FPR3: variants seen among roughly 807,000 people sequenced by gnomAD.
FPR3 encodes the protein N-formyl peptide receptor 3.
For missense variants in FPR3, 346 were observed against 443.2 expected (o/e 0.78, Z 1.97); for synonymous variants, 135 against 163.6 (o/e 0.83, Z 1.34).
At chr19:51,795,616 C>A (rs374599741) in intron 1 of FPR3, among the ~76,000 whole-genome samples, 1 of 143,398 alleles carries the variant, frequency 7.0e-6, no homozygotes, top group African/African-American at 2.6e-5. Flanking sequence ...CAGGTTCAAG[C>A]GATTCTCCTG....
At chr19:51,805,603 G>C (rs1257655407) in intron 1 of FPR3, among the ~76,000 whole-genome samples, 2 of 152,150 alleles carry the variant, frequency 1.3e-5, no homozygotes, top group African/African-American at 4.8e-5. Context: ...CTTTATACTT[G>C]TTCCCCTAAC....
rs7253924 is a variant in FPR3 at position 51,824,960 on chromosome 19, C to A, written c.*150C>A. 273,082 of 660,298 alleles carry A rather than the reference C, an allele frequency of 0.41. 57,418 individuals carry two copies. Among genetic ancestry groups the A allele is most frequent in the South Asian group, 0.53 (25,695 of 48,764 alleles). The allele number at this position is 660,298 out of a possible 1,614,324, so 40.9% of individuals were successfully genotyped here. On this transcript the variant is annotated 3_prime_UTR_variant, in exon 2 of 2. Coordinates refer to ENST00000339223, the MANE Select transcript of FPR3 (RefSeq NM_002030.5). The surrounding 1 kb of genome is among the most constrained non-coding windows in gnomAD (Gnocchi z 4.7). ...TGTACCAAATCTGTAGGGGGTTTTT[C>A]CCACAACCAAGCAATAGACACCAGC...
chr19:51,808,203 G>T (rs185399030), intron 1 of FPR3, among the ~76,000 whole-genome samples: 1 of 152,258 alleles, frequency 6.6e-6, no homozygotes, highest in Non-Finnish European at 1.5e-5. Context: ...ACCTAACATC[G>T]GTCATGGCCA....
At chr19:51,809,540 G>A (rs531848511) in intron 1 of FPR3, among the ~76,000 whole-genome samples, 21 of 152,142 alleles carry the variant, frequency 1.4e-4, no homozygotes, top group Non-Finnish European at 2.9e-4. Context: ...GTGATTTGCA[G>A]GGAATAAGCA....
At chr19:51,810,400 T>C (rs2084088135) in intron 1 of FPR3, among the ~76,000 whole-genome samples, 1 of 152,088 alleles carries the variant, frequency 6.6e-6, no homozygotes, top group Non-Finnish European at 1.5e-5. Context: ...TTGTAAGAAA[T>C]TGCACATAGG....
At chr19:51,802,901 T>A (rs1387653768) in intron 1 of FPR3, among the ~76,000 whole-genome samples, 1 of 152,210 alleles carries the variant, frequency 6.6e-6, no homozygotes, top group Non-Finnish European at 1.5e-5. Context: ...TACAACTGTA[T>A]ACAAACTTCA....
chr19:51,807,801 G>A (rs1318626263), intron 1 of FPR3, among the ~76,000 whole-genome samples: 1 of 152,224 alleles, frequency 6.6e-6, no homozygotes, highest in Non-Finnish European at 1.5e-5. Flanking sequence ...CCAAGCTGCA[G>A]CTTGTTGCTG....
At chr19:51,795,790 G>A (rs2083995196) in intron 1 of FPR3, among the ~76,000 whole-genome samples, 1 of 152,020 alleles carries the variant, frequency 6.6e-6, no homozygotes, top group Non-Finnish European at 1.5e-5. Context: ...TGGGATTACA[G>A]GCGTGAGCCA....
chr19:51,824,856 G>A lies in FPR3; in HGVS notation c.*46G>A. 1 of 1,450,244 alleles carries A rather than the reference G, an allele frequency of 6.9e-7. No homozygotes were observed. The highest frequency in any genetic ancestry group is 1.3e-5 in the South Asian group (1 of 75,234). The allele number at this position is 1,450,244 out of a possible 1,614,324, so 89.8% of individuals were successfully genotyped here. ...TCTGTCTCTTTCTACCCTGCGTTAA[G>A]CGGAAAAAAAAAATTCTGACAGTGT... On this transcript the variant is annotated 3_prime_UTR_variant, in exon 2 of 2. Transcript: ENST00000339223. The surrounding 1 kb of genome is among the most constrained non-coding windows in gnomAD (Gnocchi z 4.7).
intron 1 of FPR3, among the ~76,000 whole-genome samples, chr19:51,798,597 G>A (rs1453179673): frequency 6.6e-6 from 1 of 152,152 alleles, no homozygotes; most frequent in Non-Finnish European, 1.5e-5. Context: ...GCGTGCAAAG[G>A]TAGTGGCTCT....
At chr19:51,820,976 G>A (rs527584550) in intron 1 of FPR3, among the ~76,000 whole-genome samples, 124 of 152,308 alleles carry the variant, frequency 8.1e-4, no homozygotes, top group African/African-American at 2.9e-3. Flanking sequence ...ATGTTCATAA[G>A]TAGTAGCCAC....
intron 1 of FPR3, among the ~76,000 whole-genome samples, chr19:51,817,325 T>C (rs752018543): frequency 1.3e-5 from 2 of 152,166 alleles, no homozygotes; most frequent in Non-Finnish European, 2.9e-5. Context: ...GAGTCACTCA[T>C]ACTAAAGTTC....
chr19:51,824,774 T>C lies in FPR3; in HGVS notation c.1026T>C (p.Ala342=). 1 of 1,613,732 alleles carries C rather than the reference T, an allele frequency of 6.2e-7. No individual in the cohort carries two copies. Among genetic ancestry groups the C allele is most frequent in the East Asian group, 2.2e-5 (1 of 44,804 alleles). Residue 342 remains alanine (A), a synonymous_variant, in exon 2 of 2, where the codon GCT becomes GCC. Coordinates refer to ENST00000339223, the MANE Select transcript of FPR3 (RefSeq NM_002030.5). This position sits in a 1 kb window ranked among gnomAD's most constrained non-coding sequence, Gnocchi z 4.7. ...AQTSNTDTTS[A]SPPEETELQA... is the part of the protein sequence containing the mutation. ...CCAGCAACACAGACACCACTTCTGC[T>C]TCACCTCCTGAGGAGACGGAGTTAC...
intron 1 of FPR3, among the ~76,000 whole-genome samples, chr19:51,816,379 C>A (rs970570708): frequency 6.6e-6 from 1 of 152,288 alleles, no homozygotes; most frequent in Middle Eastern, 3.4e-3. Flanking sequence ...TCCTCAGTAG[C>A]TGGAATTACT....
At chr19:51,799,025 T>C (rs946504781) in intron 1 of FPR3, among the ~76,000 whole-genome samples, 22 of 152,046 alleles carry the variant, frequency 1.4e-4, no homozygotes, top group African/African-American at 5.1e-4. Context: ...AAGAATTACT[T>C]GAACCCAGGA....
At chr19:51,799,249 G>C (rs189043081) in intron 1 of FPR3, among the ~76,000 whole-genome samples, 1 of 152,064 alleles carries the variant, frequency 6.6e-6, no homozygotes. Flanking sequence ...CGGGGTCTGT[G>C]AATACTAAAA....
At chr19:51,822,850 T>C (rs1005246693) in intron 1 of FPR3, among the ~76,000 whole-genome samples, 2 of 152,042 alleles carry the variant, frequency 1.3e-5, no homozygotes, top group East Asian at 3.9e-4. Flanking sequence ...CTATAGGATG[T>C]AATATATTTC....
intron 1 of FPR3, among the ~76,000 whole-genome samples, chr19:51,822,959 T>C (rs2084201472): frequency 2.0e-5 from 3 of 151,940 alleles, no homozygotes; most frequent in Non-Finnish European, 4.4e-5. Context: ...GCCTCCCAGG[T>C]TCAAGCAATT....
At chr19:51,814,923 C>A (rs2084123693) in intron 1 of FPR3, among the ~76,000 whole-genome samples, 1 of 152,074 alleles carries the variant, frequency 6.6e-6, no homozygotes, top group Non-Finnish European at 1.5e-5. Context: ...GATTCTCCTG[C>A]CCCAGCCTCC....
Sources: allele counts gnomAD v4.1 joint callset (sites outside exome capture counted in the v4.1 genomes callset), GRCh38; gene constraint gnomAD v4.1.1; non-coding constraint Gnocchi (gnomAD v3.1); transcripts MANE v1.5; gene names NCBI Gene and HGNC (gene_info 2026-07-23, HGNC 2026-07-21).